C16orf96: variants seen among roughly 807,000 people sequenced by gnomAD.
C16orf96 encodes the protein uncharacterized protein C16orf96.
In C16orf96, 108 loss-of-function variants were observed where a neutral mutation model predicts 103.6. That is an observed-to-expected ratio of 1.04 (90% CI 0.89 to 1.22). The LOEUF is 1.22. Ranked by LOEUF, C16orf96 falls within the 50% of genes most tolerant of loss-of-function variation. The pLI is 0.00. For synonymous variants in C16orf96, 566 were observed against 593.5 expected (o/e 0.95, Z 0.67); for missense variants, 1,586 against 1,464.2 (o/e 1.08, Z -1.36).
At chr16:4,578,250 C>G (rs897214778) in intron 5 of C16orf96, among the ~76,000 whole-genome samples, 1 of 152,102 alleles carries the variant, frequency 6.6e-6, no homozygotes, top group Non-Finnish European at 1.5e-5. Context: ...TCGAGAGATT[C>G]TCCTGCCTCA....
In C16orf96 at chr16:4,556,525, C is replaced by G. The variant is rs773387101; in HGVS notation, c.36C>G (p.Asn12Lys). The G allele has an allele frequency of 2.5e-4, 389 of 1,540,718 alleles. No homozygotes were observed. The highest frequency in any genetic ancestry group is 3.3e-4 in the Non-Finnish European group (376 of 1,138,540). The change falls in exon 1 of 16, where the codon AAC (asparagine) becomes AAG (lysine). Residue 12 changes from asparagine (N) to lysine (K), a missense_variant. By Grantham distance (94) the Asn-to-Lys change is moderately conservative. Transcript: ENST00000444310. Reference sequence around the variant, plus strand: ...CACTCACGTTCACCGAGCTGGCCAACATCGCCATCCCACAGTGCGGGGTGC... The same window carrying G: ...CACTCACGTTCACCGAGCTGGCCAAGATCGCCATCCCACAGTGCGGGGTGC... ...SFSLTFTELA[N>K]IAIPQCGVLN...
chr16:4,570,254 G>C (rs1156979439), intron 1 of C16orf96, among the ~76,000 whole-genome samples: 1 of 152,090 alleles, frequency 6.6e-6, no homozygotes, highest in Non-Finnish European at 1.5e-5. Context: ...TTTGGTACCA[G>C]ACCTTGCTCA....
At chr16:4,580,476 C>T (rs2059572030) in intron 7 of C16orf96, among the ~76,000 whole-genome samples, 1 of 152,100 alleles carries the variant, frequency 6.6e-6, no homozygotes, top group Admixed American at 6.6e-5. Context: ...ACATTCTTAA[C>T]ATTTCCCTGA....
At position 4,594,741 on chromosome 16, in the gene C16orf96, A is replaced by G. The variant is rs1205980309; in HGVS notation, c.3065A>G (p.Tyr1022Cys). 1 of 1,551,134 alleles carries G rather than the reference A, an allele frequency of 6.4e-7. No homozygotes were observed. Among genetic ancestry groups the G allele is most frequent in the Non-Finnish European group, 8.7e-7 (1 of 1,146,926 alleles). ...ATCCTGGGCGTGGATGGGATCCTGT[A>G]CAAAGGCCGCGTGAACAGCCAGCGT... The part of the protein sequence containing the change: ...VDILGVDGIL[Y>C]KGRVNSQRGA... The change falls in exon 14 of 16, where the codon TAC becomes TGC. Residue 1022 changes from tyrosine to cysteine, a missense_variant. Transcript: ENST00000444310.
upstream of C16orf96, among the ~76,000 whole-genome samples, chr16:4,554,389 C>T (rs187982475): frequency 1.5e-4 from 22 of 151,036 alleles, no homozygotes; most frequent in Admixed American, 1.3e-3. Context: ...CTTGCTCTGT[C>T]GCCCAGGCTG....
intron 7 of C16orf96, among the ~76,000 whole-genome samples, chr16:4,581,167 TATATA>T (rs2059583246): frequency 8.3e-6 from 1 of 120,686 alleles, no homozygotes; most frequent in African/African-American, 3.1e-5. Flanking sequence ...TATATATATA[TATATA>T]TATATATATA....
upstream of C16orf96, among the ~76,000 whole-genome samples, chr16:4,554,262 G>A (rs981619207): frequency 2.0e-5 from 3 of 152,214 alleles, no homozygotes; most frequent in African/African-American, 7.2e-5. Context: ...CTCAAGCGGG[G>A]AGCAGAGCAG....
At chr16:4,573,725 C>A (rs2059466328) in intron 2 of C16orf96, among the ~76,000 whole-genome samples, 3 of 144,502 alleles carry the variant, frequency 2.1e-5, no homozygotes, top group African/African-American at 5.1e-5. Flanking sequence ...GCACTCCAGC[C>A]TGGGCAACAG....
intron 1 of C16orf96, among the ~76,000 whole-genome samples, chr16:4,567,441 G>A (rs920112887): frequency 6.7e-5 from 10 of 149,316 alleles, no homozygotes; most frequent in East Asian, 4.0e-4. Context: ...CCGCCACCAC[G>A]CCCGGCTAAT....
intron 1 of C16orf96, among the ~76,000 whole-genome samples, chr16:4,568,107 G>A (rs1315239590): frequency 1.3e-5 from 2 of 152,016 alleles, no homozygotes; most frequent in African/African-American, 2.4e-5. Context: ...AGCTCACTAT[G>A]TTGCCCAGGC....
chr16:4,571,531 G>A lies in C16orf96; in HGVS notation c.421-30G>A, dbSNP rs1272642883. ...CTTACCTTCTCCCCCAGCCATACCC[G>A]GCTTCACATTTTCTCCTCCTCTTTT... On this transcript the variant is annotated intron_variant, in intron 1 of 15. Transcript: ENST00000444310. 1.8e-5 allele frequency: 28 copies of A among 1,537,628 alleles called. No homozygotes were observed. In the East Asian group the frequency reaches 2.2e-4, roughly 12 times the overall value.
Position 4,575,705 on chromosome 16 carries a change from G to T in C16orf96, c.1225G>T (p.Asp409Tyr). ...WPRVGSWPLW[D>Y]LGVLRPTQPQ... Reference sequence around the variant, plus strand: ...CAGGGTGGGCTCTTGGCCTCTGTGGGACTTAGGTGTCCTGCGGCCAACTCA... The same window carrying T: ...CAGGGTGGGCTCTTGGCCTCTGTGGTACTTAGGTGTCCTGCGGCCAACTCA... The change falls in exon 5 of 16, where the codon GAC becomes TAC. Residue 409 changes from aspartate to tyrosine, a missense_variant. Asp to Tyr is a radical substitution (Grantham distance 160). Transcript: ENST00000444310. 1.3e-6 allele frequency: 2 copies of T among 1,534,068 alleles called. No homozygotes were observed. Among genetic ancestry groups the T allele is most frequent in the Non-Finnish European group, 1.8e-6 (2 of 1,139,058 alleles).
Position 4,575,105 on chromosome 16 carries a change from C to T in C16orf96, c.693+47C>T, listed in dbSNP as rs368217239. On this transcript the variant is annotated intron_variant, in intron 4 of 15. Transcript: ENST00000444310. ...GGTTAGCAGGAAGCTGGGGAGCAGG[C>T]GGGTGGCTGACTGAGAGTGGGAGGC... The T allele has an allele frequency of 1.2e-4, 186 of 1,549,516 alleles. 1 individual carries two copies. The Admixed American group carries it at 2.8e-3, about 23-fold the overall frequency.
chr16:4,553,764 A>G (rs11076840), upstream of C16orf96, among the ~76,000 whole-genome samples: 112,432 of 152,158 alleles, frequency 0.74, 42,990 homozygotes, highest in East Asian at 0.88. Context: ...CATGAGCCAC[A>G]GCGCCTGACT....
chr16:4,596,484 CAA>C (rs35069884), intron 14 of C16orf96, among the ~76,000 whole-genome samples: 2 of 118,576 alleles, frequency 1.7e-5, no homozygotes, highest in African/African-American at 3.5e-5. Context: ...GACTTCGTCT[CAA>C]AAAAAAAAAA....
chr16:4,578,890 C>A, intron 5 of C16orf96, 50 bp from the exon 6 acceptor site: 1 of 1,432,122 alleles, frequency 7.0e-7, no homozygotes, highest in Non-Finnish European at 9.6e-7. Flanking sequence ...CCAACAGAAA[C>A]ATCTTCCTCC....
chr16:4,583,563 T>C (rs1896843186), intron 7 of C16orf96, among the ~76,000 whole-genome samples: 3 of 152,102 alleles, frequency 2.0e-5, no homozygotes, highest in Non-Finnish European at 4.4e-5. Context: ...AAATGGTTTG[T>C]ATTACCAATA....
chr16:4,551,884 A>G (rs2059230131), upstream of C16orf96, among the ~76,000 whole-genome samples: 1 of 151,974 alleles, frequency 6.6e-6, no homozygotes, highest in Non-Finnish European at 1.5e-5. Context: ...TGCATTTGGT[A>G]TTTGTCCTGA....
intron 14 of C16orf96, among the ~76,000 whole-genome samples, chr16:4,595,769 C>T (rs1432208454): frequency 6.6e-6 from 1 of 151,892 alleles, no homozygotes; most frequent in African/African-American, 2.4e-5. Context: ...TGCAGTGGTG[C>T]GATCTCGGTT....
Sources: allele counts gnomAD v4.1 joint callset (sites outside exome capture counted in the v4.1 genomes callset), GRCh38; gene constraint gnomAD v4.1.1; transcripts MANE v1.5; gene names NCBI Gene and HGNC (gene_info 2026-07-23, HGNC 2026-07-21).